TPST2: variants seen among roughly 807,000 people sequenced by gnomAD.
TPST2 encodes the protein tyrosylprotein sulfotransferase 2, also known as protein-tyrosine sulfotransferase 2.
In TPST2, 16 loss-of-function variants were observed where a neutral mutation model predicts 27.8. The observed-to-expected ratio is 0.58, with a 90% confidence interval of 0.39 to 0.88. TPST2 has a LOEUF of 0.88. TPST2 is among the 40% of genes least tolerant of loss of function. The pLI, the probability that TPST2 is intolerant of heterozygous loss-of-function variation, is 0.00. For missense variants in TPST2, 464 were observed against 543.1 expected, an observed-to-expected ratio of 0.85 and a Z score of 1.45; for synonymous variants, 229 against 231.7, an observed-to-expected ratio of 0.99 and a Z score of 0.10.
intron 1 of TPST2, among the ~76,000 whole-genome samples, chr22:26,588,241 G>A (rs751467520): frequency 5.2e-4 from 79 of 151,750 alleles, no homozygotes; most frequent in Non-Finnish European, 9.9e-4. Flanking sequence ...AGGCTGCAAG[G>A]GGCTGAACCT....
intron 3 of TPST2, among the ~76,000 whole-genome samples, chr22:26,540,243 G>C (rs1925718721): frequency 6.6e-6 from 1 of 152,184 alleles, no homozygotes; most frequent in Non-Finnish European, 1.5e-5. Context: ...AGACATCCTT[G>C]TTCTGGAATC....
chr22:26,568,113 T>C (rs1254168128), intron 1 of TPST2, among the ~76,000 whole-genome samples: 1 of 152,234 alleles, frequency 6.6e-6, no homozygotes, highest in Non-Finnish European at 1.5e-5. Context: ...TATCAAAATG[T>C]TCCCGGTGGC....
At chr22:26,549,528 G>A (rs187027317) in intron 1 of TPST2, among the ~76,000 whole-genome samples, 2 of 151,502 alleles carry the variant, frequency 1.3e-5, no homozygotes, top group Admixed American at 1.3e-4. Flanking sequence ...ATGGTGGCGC[G>A]TGGCTGTAAT....
At position 26,540,977 on chromosome 22, in the gene TPST2, G is replaced by A. The variant is rs374640409; in HGVS notation, c.654C>T (p.Ile218=). 6.6e-5 allele frequency: 106 copies of A among 1,614,054 alleles called. No homozygotes were observed. The highest frequency in any genetic ancestry group is 8.1e-5 in the Non-Finnish European group (95 of 1,180,038). ...CCATGCACTGGGCGTACATCACCTC[G>A]ATGGCCTTGTTCCACTTGGTGAGGC... ...RDCLTKWNKA[I]EVMYAQCMEV... is the part of the protein sequence containing the mutation. The change falls in exon 3 of 7, where the codon ATC becomes ATT. Residue 218 remains isoleucine (I), a synonymous_variant. Coordinates refer to ENST00000338754, the MANE Select transcript of TPST2 (RefSeq NM_003595.5).
At chr22:26,582,710 T>C (rs1355872902) in intron 1 of TPST2, among the ~76,000 whole-genome samples, 2 of 152,182 alleles carry the variant, frequency 1.3e-5, no homozygotes, top group African/African-American at 4.8e-5. Flanking sequence ...ACTCAGTGGC[T>C]ATCCGTGCAG....
At chr22:26,574,861 G>A (rs536643618) in intron 1 of TPST2, among the ~76,000 whole-genome samples, 9 of 152,226 alleles carry the variant, frequency 5.9e-5, no homozygotes, top group African/African-American at 1.9e-4. Context: ...CCAACTAGAA[G>A]GGGTCCAGGA....
chr22:26,538,983 G>A (rs886784996), intron 3 of TPST2, among the ~76,000 whole-genome samples: 7 of 152,244 alleles, frequency 4.6e-5, no homozygotes, highest in African/African-American at 1.7e-4. Context: ...CACACATCAA[G>A]ATCTGGGTGG....
intron 1 of TPST2, among the ~76,000 whole-genome samples, chr22:26,553,972 C>T (rs143573014): frequency 2.7e-4 from 41 of 152,206 alleles, no homozygotes; most frequent in African/African-American, 9.6e-4. Flanking sequence ...CGGCTGAATC[C>T]CCGCATGCAG....
chr22:26,528,163 C>A, intron 6 of TPST2, 51 bp downstream of exon 6: 2 of 1,550,972 alleles, frequency 1.3e-6, no homozygotes, highest in South Asian at 1.2e-5. Flanking sequence ...AAAAGTGGCT[C>A]CGGGGCCACC....
chr22:26,552,395 C>T (rs1375522612), intron 1 of TPST2, among the ~76,000 whole-genome samples: 2 of 152,070 alleles, frequency 1.3e-5, no homozygotes, highest in Admixed American at 6.6e-5. Flanking sequence ...CACGTTTTAC[C>T]GAAGGGGAAA....
At chr22:26,535,671 G>C (rs889233266) in intron 4 of TPST2, among the ~76,000 whole-genome samples, 2 of 152,120 alleles carry the variant, frequency 1.3e-5, no homozygotes, top group Non-Finnish European at 2.9e-5. Context: ...AGCTACTCAG[G>C]AGCCTGGGGT....
rs935148143 is a variant in TPST2 at position 26,590,126 on chromosome 22, G to A, written c.-234C>T. ...TCTCCAGCCGCCCCAGCCGGGGAAG[G>A]GGGAGGTGCCCGCGCGGGGGCGGGG... On this transcript the variant is annotated 5_prime_UTR_variant, in exon 1 of 7. Transcript: ENST00000338754. The A allele has an allele frequency of 2.0e-5, 3 of 152,050 alleles. No individual in the cohort carries two copies. Among genetic ancestry groups the A allele is most frequent in the Non-Finnish European group, 4.4e-5 (3 of 68,044 alleles). 9.4% of individuals were successfully genotyped at this position (152,050 alleles called of 1,614,324 possible).
Position 26,528,250 on chromosome 22 carries a change from T to C in TPST2, c.1105A>G (p.Ser369Gly). 6.4e-7 allele frequency: 1 copy of C among 1,563,908 alleles called. No homozygotes were observed. The highest frequency in any genetic ancestry group is 1.2e-5 in the South Asian group (1 of 85,150). Residue 369 changes from serine (S) to glycine (G), a missense_variant, in exon 6 of 7, where the codon AGC (serine) becomes GGC (glycine). Physicochemically the swap from Ser to Gly is moderately conservative, Grantham distance 56 (BLOSUM62 0). Transcript: ENST00000338754. ...GAGCTTCCTAAGTGGGAGGAGGTGC[T>C]GTTCTGGTTCACCTGGAGAAAGACA... ...LKGYFQVNQN[S>G]TSSHLGSS
chr22:26,587,609 G>T (rs990214613), intron 1 of TPST2, among the ~76,000 whole-genome samples: 19 of 152,112 alleles, frequency 1.2e-4, no homozygotes, highest in Non-Finnish European at 2.4e-4. Flanking sequence ...CAAAGTGCTG[G>T]GATTACAGGT....
At chr22:26,576,951 C>T (rs939651571) in intron 1 of TPST2, among the ~76,000 whole-genome samples, 3 of 151,908 alleles carry the variant, frequency 2.0e-5, no homozygotes. Flanking sequence ...AAAAAATTAG[C>T]CGGGCGTGGT....
rs1449735848 is a variant in TPST2, at chr22:26,577,681, G to A, written c.-161+12372C>T. Among the ~76,000 whole-genome samples, 3 of 123,628 alleles carry A rather than the reference G, an allele frequency of 2.4e-5. No individual in the cohort carries two copies. In the Admixed American group the frequency reaches 2.9e-4, roughly 12 times the overall value. 81.1% of individuals were successfully genotyped at this position (123,628 alleles called of 152,430 possible). A position where few individuals can be genotyped will look rare whatever the true frequency, so the allele number is the denominator to read the frequency against. On this transcript the variant is annotated intron_variant, in intron 1 of 6. Coordinates refer to ENST00000338754, the MANE Select transcript of TPST2 (RefSeq NM_003595.5). ...TTTTTTTTTTTTTTTTTGAGACAGAGTCTCACTCTGTCTGCCACCCAGGCT... is the reference window on the plus strand; with the variant it reads ...TTTTTTTTTTTTTTTTTGAGACAGAATCTCACTCTGTCTGCCACCCAGGCT...
chr22:26,558,117 T>C (rs987433567), intron 1 of TPST2, among the ~76,000 whole-genome samples: 14 of 120,530 alleles, frequency 1.2e-4, no homozygotes, highest in African/African-American at 4.4e-4. Flanking sequence ...AAAATATATA[T>C]AATACACACA....
chr22:26,543,365 A>G (rs2147192617), intron 2 of TPST2: 1 of 152,144 alleles, frequency 6.6e-6, no homozygotes. Flanking sequence ...CCCTGCAACG[A>G]CCCTTTGTCT....
At chr22:26,535,016 C>T (rs1010165376) in intron 4 of TPST2, among the ~76,000 whole-genome samples, 2 of 152,150 alleles carry the variant, frequency 1.3e-5, no homozygotes, top group Admixed American at 6.5e-5. Context: ...GAGGAACTCA[C>T]GAGACCCACA....
Sources: gnomAD v4.1 joint callset for allele counts (sites outside exome capture counted in the v4.1 genomes callset) on GRCh38, gnomAD v4.1.1 for gene constraint, MANE v1.5 for transcripts, NCBI Gene and HGNC (gene_info 2026-07-23, HGNC 2026-07-21) for gene names.